Variants in EPS15 observed in about 807,000 individuals in gnomAD.
The protein encoded by EPS15 is epidermal growth factor receptor pathway substrate 15.
A neutral mutation model predicts 113.8 loss-of-function variants in EPS15; 72 were observed. The ratio of observed to expected loss-of-function variants is 0.63; its 90% confidence interval spans 0.52 to 0.77. The LOEUF (loss-of-function observed/expected upper bound fraction) is 0.77. Among genes scored for constraint, EPS15 ranks in the 30% least tolerant of loss-of-function variants. EPS15 has a pLI of 0.00. For missense variants in EPS15, 1,048 were observed against 1,045.8 expected (o/e 1.00, Z -0.03); for synonymous variants, 344 against 363.4 (o/e 0.95, Z 0.61).
At position 51,440,373 on chromosome 1, in the gene EPS15, A is replaced by G. The variant is rs759461198; in HGVS notation, c.1014T>C (p.Leu338=). ...TCTGTAGGTCAACTATTTCATTGTTAAGAGTATCTAGTTCCTTAATAGCAG... is the reference window on the plus strand; with the variant it reads ...TCTGTAGGTCAACTATTTCATTGTTGAGAGTATCTAGTTCCTTAATAGCAG... ...DFSAIKELDT[L]NNEIVDLQRE... is the part of the protein sequence containing the mutation. The change falls in exon 12 of 25, where the codon CTT becomes CTC. Residue 338 remains leucine, a synonymous_variant. Coordinates refer to ENST00000371733, the MANE Select transcript of EPS15 (RefSeq NM_001981.3). 2.5e-6 allele frequency: 4 copies of G among 1,586,200 alleles called. No homozygotes were observed. The South Asian group carries it at 4.5e-5, about 18-fold the overall frequency.
intron 12 of EPS15, among the ~76,000 whole-genome samples, chr1:51,432,294 T>C (rs1265894210): frequency 1.4e-5 from 2 of 147,512 alleles, no homozygotes; most frequent in Non-Finnish European, 3.0e-5. Context: ...AGAAGCCACA[T>C]AGATTATGTA....
chr1:51,414,487 G>A (rs997349415), intron 13 of EPS15, among the ~76,000 whole-genome samples: 2 of 151,800 alleles, frequency 1.3e-5, no homozygotes, highest in African/African-American at 2.4e-5. Context: ...TTATTATATA[G>A]GTTTATATAA....
In EPS15 at chr1:51,471,768, A is replaced by G. The variant is rs766095738; in HGVS notation, c.166-31T>C. On this transcript the variant is annotated intron_variant, in intron 3 of 24. Transcript: ENST00000371733. ...ATTTAGGGGGAAAAAATATCAATGTATATTTTAAACAAAAGTCATCTGAAT... is the reference window on the plus strand; with the variant it reads ...ATTTAGGGGGAAAAAATATCAATGTGTATTTTAAACAAAAGTCATCTGAAT... 3.9e-6 allele frequency: 6 copies of G among 1,530,090 alleles called. No individual in the cohort carries two copies. In the African/African-American group the frequency reaches 4.1e-5, roughly 10 times the overall value. The allele number at this position is 1,530,090 out of a possible 1,614,324, so 94.8% of individuals were successfully genotyped here.
chr1:51,413,139 G>A (rs1409068211), intron 13 of EPS15, among the ~76,000 whole-genome samples: 1 of 152,016 alleles, frequency 6.6e-6, no homozygotes, highest in African/African-American at 2.4e-5. Flanking sequence ...ATGACCCTAT[G>A]CCTTTCCACA....
chr1:51,482,622 T>C (rs3991593), intron 1 of EPS15, among the ~76,000 whole-genome samples: 43,408 of 151,942 alleles, frequency 0.29, 8,000 homozygotes, highest in African/African-American at 0.52. Context: ...TGCACCACCA[T>C]GCCTGGCTAA....
At chr1:51,371,432 G>A (rs755514141) in intron 21 of EPS15, among the ~76,000 whole-genome samples, 2 of 151,766 alleles carry the variant, frequency 1.3e-5, no homozygotes, top group Non-Finnish European at 2.9e-5. Context: ...TGCAGGCCTA[G>A]GCTCATGTTT....
chr1:51,432,779 G>C (rs1202157653), intron 12 of EPS15, among the ~76,000 whole-genome samples: 1 of 152,034 alleles, frequency 6.6e-6, no homozygotes. Context: ...TTTTAATGAT[G>C]ATCTATACAC....
At chr1:51,489,426 A>G (rs1012650847) in intron 1 of EPS15, among the ~76,000 whole-genome samples, 6 of 151,530 alleles carry the variant, frequency 4.0e-5, no homozygotes, top group African/African-American at 1.5e-4. Flanking sequence ...GGTTCCAGCA[A>G]TTCTCCAGCC....
chr1:51,372,797 A>T, intron 21 of EPS15: 1 of 432,382 alleles, frequency 2.3e-6, no homozygotes, highest in South Asian at 2.0e-5. Context: ...AAGACATCAA[A>T]GATGCTACAG....
Position 51,423,243 on chromosome 1 carries a change from T to C in EPS15, c.1041-1385A>G, listed in dbSNP as rs566962600. On this transcript the variant is annotated intron_variant, in intron 12 of 24. Transcript: ENST00000371733. Reference sequence around the variant, plus strand: ...ATGGGTCGCAATGTGGGTCGCGATGTTGTGATTTTAAACAGTCCCTTACCA... The same window carrying C: ...ATGGGTCGCAATGTGGGTCGCGATGCTGTGATTTTAAACAGTCCCTTACCA... 8.3e-5 allele frequency: 107 copies of C among 1,288,998 alleles called. 1 individual carries two copies. The Middle Eastern group carries it at 2.6e-3, about 31-fold the overall frequency. The allele number at this position is 1,288,998 out of a possible 1,614,324, so 79.8% of individuals were successfully genotyped here.
chr1:51,448,275 G>T (rs1250467935), intron 8 of EPS15, 140 bp from the exon 9 acceptor site: 5 of 462,648 alleles, frequency 1.1e-5, no homozygotes, highest in Non-Finnish European at 1.9e-5. Context: ...GAAAGAAGAG[G>T]AAAATGAGGG....
At chr1:51,401,009 C>T in intron 18 of EPS15, 56 bp from the exon 19 acceptor site, 1 of 1,140,244 alleles carries the variant, frequency 8.8e-7, no homozygotes, top group Non-Finnish European at 1.3e-6. Flanking sequence ...GTGGTGACAC[C>T]ACTACTTAAA....
At chr1:51,431,334 A>C (rs2148463028) in intron 12 of EPS15, among the ~76,000 whole-genome samples, 1 of 152,312 alleles carries the variant, frequency 6.6e-6, no homozygotes, top group South Asian at 2.1e-4. Flanking sequence ...AGAGAGCCTA[A>C]GTAGAATCAG....
At chr1:51,453,840 T>C (rs1653763871) in intron 8 of EPS15, among the ~76,000 whole-genome samples, 2 of 152,064 alleles carry the variant, frequency 1.3e-5, no homozygotes, top group Admixed American at 1.3e-4. Flanking sequence ...TGGAGGGTTT[T>C]TAATTCTTGG....
chr1:51,513,195 T>C (rs1335719550), intron 1 of EPS15, among the ~76,000 whole-genome samples: 1 of 152,132 alleles, frequency 6.6e-6, no homozygotes, highest in Non-Finnish European at 1.5e-5. Flanking sequence ...CTACTAGAAA[T>C]TAATCCATAT....
At chr1:51,419,354 T>C (rs553448793) in intron 13 of EPS15, among the ~76,000 whole-genome samples, 40 of 152,174 alleles carry the variant, frequency 2.6e-4, no homozygotes, top group African/African-American at 9.4e-4. Context: ...ATTAATTACA[T>C]AGCAGACTTT....
intron 21 of EPS15, chr1:51,372,323 G>T: frequency 1.9e-6 from 1 of 529,260 alleles, no homozygotes; most frequent in Non-Finnish European, 3.9e-6. Context: ...TCAGTGTGGT[G>T]GATCATTTCA....
intron 20 of EPS15, among the ~76,000 whole-genome samples, chr1:51,398,597 T>C (rs181167757): frequency 6.6e-6 from 1 of 152,342 alleles, no homozygotes; most frequent in Admixed American, 6.5e-5. Flanking sequence ...TGACATTTAG[T>C]GAGAATTTGT....
chr1:51,400,712 C>CAAAAAA (rs375748381), intron 19 of EPS15, among the ~76,000 whole-genome samples: 46 of 59,970 alleles, frequency 7.7e-4, no homozygotes, highest in East Asian at 1.5e-3. Flanking sequence ...CAAAAAACAC[C>CAAAAAA]AAAAAAAAAA....
Sources: gnomAD v4.1 joint callset for allele counts (sites outside exome capture counted in the v4.1 genomes callset) on GRCh38, gnomAD v4.1.1 for gene constraint, MANE v1.5 for transcripts, NCBI Gene and HGNC (gene_info 2026-07-23, HGNC 2026-07-21) for gene names.